The following ZFHX4 variants were observed in gnomAD, a reference collection of about 807,000 sequenced individuals.
ZFHX4 encodes zinc finger homeobox 4, also known as zinc finger homeobox protein 4.
A neutral mutation model predicts 267.6 loss-of-function variants in ZFHX4; 56 were observed. The ratio of observed to expected loss-of-function variants is 0.21; its 90% CI spans 0.17 to 0.26. The LOEUF (loss-of-function observed/expected upper bound fraction) is 0.26, where lower values mean the gene tolerates loss of function less well. Among genes scored for constraint, ZFHX4 ranks in the 10% least tolerant of loss-of-function variants. ZFHX4 has a pLI of 1.00. For synonymous variants in ZFHX4, 1,778 were observed against 1,665.6 expected (o/e 1.07, Z -1.64); for missense variants, 4,332 against 4,420.0 (o/e 0.98, Z 0.56).
intron 4 of ZFHX4, among the ~76,000 whole-genome samples, chr8:76,781,832 C>T (rs192055129): frequency 2.0e-5 from 3 of 151,948 alleles, no homozygotes; most frequent in East Asian, 1.9e-4. Flanking sequence ...AGGCTGGGAG[C>T]GAAAGTTTCA....
chr8:76,718,579 C>T (rs756187337), intron 3 of ZFHX4, among the ~76,000 whole-genome samples: 11 of 152,066 alleles, frequency 7.2e-5, no homozygotes, highest in Non-Finnish European at 1.3e-4. Context: ...GGGGAATTTA[C>T]AAATAACTTT....
At chr8:76,738,857 G>A (rs1809241681) in intron 3 of ZFHX4, among the ~76,000 whole-genome samples, 1 of 151,944 alleles carries the variant, frequency 6.6e-6, no homozygotes, top group Non-Finnish European at 1.5e-5. Context: ...TGGGACCACT[G>A]GCATGCGCCA....
intron 1 of ZFHX4, among the ~76,000 whole-genome samples, chr8:76,700,306 G>T (rs1475462025): frequency 6.6e-6 from 1 of 152,018 alleles, no homozygotes; most frequent in Non-Finnish European, 1.5e-5. Flanking sequence ...TTAGCAGAGT[G>T]GCTAACCTAG....
At chr8:76,797,097 C>G (rs1255541375) in intron 4 of ZFHX4, among the ~76,000 whole-genome samples, 1 of 152,150 alleles carries the variant, frequency 6.6e-6, no homozygotes, top group Admixed American at 6.6e-5. Flanking sequence ...ATGAGATCAG[C>G]CAGGCCAGCT....
Position 76,707,896 on chromosome 8 carries a change from G to A in ZFHX4, c.2941G>A (p.Gly981Ser). Residue 981 changes from glycine to serine, a missense_variant, in exon 3 of 11, where the codon GGC becomes AGC. Coordinates refer to ENST00000651372, the MANE Select transcript of ZFHX4 (RefSeq NM_024721.5). ...YQLVAHIKEG[G>S]KSNEWRLKCI... ...ACTGGTGGCTCACATTAAAGAAGGG[G>A]GCAAAAGCAATGAGTGGAGGTTGAA... is the stretch of plus-strand genomic sequence containing the variant. The A allele has an allele frequency of 6.2e-7, 1 of 1,613,974 alleles. No individual in the cohort carries two copies. The highest frequency in any genetic ancestry group is 8.5e-7 in the Non-Finnish European group (1 of 1,179,930).
At chr8:76,740,954 A>C (rs1234625612) in intron 3 of ZFHX4, among the ~76,000 whole-genome samples, 1 of 152,172 alleles carries the variant, frequency 6.6e-6, no homozygotes, top group Admixed American at 6.6e-5. Context: ...AAATCACATC[A>C]ATTGAATTTA....
intron 3 of ZFHX4, among the ~76,000 whole-genome samples, chr8:76,759,455 T>C (rs993755267): frequency 6.6e-6 from 1 of 152,228 alleles, no homozygotes; most frequent in African/African-American, 2.4e-5. Context: ...GTTGTCATGC[T>C]AGTGAGGTCT....
chr8:76,745,551 TCA>T (rs921668937), intron 3 of ZFHX4, among the ~76,000 whole-genome samples: 2 of 150,958 alleles, frequency 1.3e-5, no homozygotes, highest in African/African-American at 4.9e-5. Flanking sequence ...AATTATTTTT[TCA>T]GTTTTACTAC....
chr8:76,864,686 T>A lies in ZFHX4; in HGVS notation c.*121T>A. ...AAAATTACAGTACCAAATGATTGAC[T>A]CAGGATTGTTTTTCCCATATTGATA... On this transcript the variant is annotated 3_prime_UTR_variant, in exon 11 of 11. Coordinates refer to ENST00000651372, the MANE Select transcript of ZFHX4 (RefSeq NM_024721.5). The A allele has an allele frequency of 3.0e-6, 2 of 664,332 alleles. No individual in the cohort carries two copies. The highest frequency in any genetic ancestry group is 4.9e-6 in the Non-Finnish European group (2 of 411,076). The allele number at this position is 664,332 out of a possible 1,614,324, so 41.2% of individuals were successfully genotyped here.
chr8:76,862,219 T>C (rs1812888966), intron 10 of ZFHX4, among the ~76,000 whole-genome samples: 1 of 152,212 alleles, frequency 6.6e-6, no homozygotes, highest in Admixed American at 6.5e-5. Flanking sequence ...CAAAGATCTT[T>C]TACATTCCTC....
At chr8:76,746,109 T>C (rs998918398) in intron 3 of ZFHX4, among the ~76,000 whole-genome samples, 1 of 152,194 alleles carries the variant, frequency 6.6e-6, no homozygotes, top group South Asian at 2.1e-4. Flanking sequence ...TAAATTGCTT[T>C]AAAAAGTAAA....
rs1471711627 is a variant in ZFHX4 at position 76,866,309 on chromosome 8, A to T, written c.*1744A>T. ...TGTAATGCAACTGTTTGACAGTTTA[A>T]CTCAAGTCATGCTTCAAACTGTTTT... is the stretch of plus-strand genomic sequence containing the variant. On this transcript the variant is annotated 3_prime_UTR_variant, in exon 11 of 11. Coordinates refer to ENST00000651372, the MANE Select transcript of ZFHX4 (RefSeq NM_024721.5). 1.3e-5 allele frequency: 2 copies of T among 152,604 alleles called. No individual in the cohort carries two copies. The highest frequency in any genetic ancestry group is 4.8e-5 in the African/African-American group (2 of 41,436). 9.5% of individuals were successfully genotyped at this position (152,604 alleles called of 1,614,324 possible). A position where few individuals can be genotyped will look rare whatever the true frequency, so the allele number is the denominator to read the frequency against.
chr8:76,753,904 C>T (rs1017938170), intron 3 of ZFHX4, among the ~76,000 whole-genome samples: 46 of 151,626 alleles, frequency 3.0e-4, no homozygotes, highest in African/African-American at 9.4e-4. Flanking sequence ...TTGGGATCAC[C>T]GGCATGAGCC....
intron 6 of ZFHX4, among the ~76,000 whole-genome samples, chr8:76,848,479 A>G (rs1318725818): frequency 6.6e-6 from 1 of 152,206 alleles, no homozygotes; most frequent in African/African-American, 2.4e-5. Context: ...CAGCAGATAC[A>G]TATGATTAAT....
At chr8:76,735,501 G>GC (rs1473324857) in intron 3 of ZFHX4, among the ~76,000 whole-genome samples, 1 of 152,002 alleles carries the variant, frequency 6.6e-6, no homozygotes, top group Non-Finnish European at 1.5e-5. Context: ...AAATATTTTT[G>GC]CATCCACAAC....
intron 3 of ZFHX4, among the ~76,000 whole-genome samples, chr8:76,766,742 A>C (rs1810060290): frequency 6.6e-6 from 1 of 151,986 alleles, no homozygotes; most frequent in South Asian, 2.1e-4. Flanking sequence ...GAGAGCAATT[A>C]ATTTAAATAT....
chr8:76,698,840 G>A (rs961639587), intron 1 of ZFHX4, among the ~76,000 whole-genome samples: 1 of 152,036 alleles, frequency 6.6e-6, no homozygotes, highest in Non-Finnish European at 1.5e-5. Context: ...CCCCTTTGTC[G>A]TGACATGGGT....
chr8:76,738,712 T>TTC (rs571087005), intron 3 of ZFHX4, among the ~76,000 whole-genome samples: 1,687 of 123,808 alleles, frequency 0.014, 9 homozygotes, highest in Middle Eastern at 0.042. Context: ...CTCTCTCTCT[T>TTC]TCTCTCTCTC....
At chr8:76,801,562 C>A (rs980415631) in intron 4 of ZFHX4, among the ~76,000 whole-genome samples, 3 of 152,124 alleles carry the variant, frequency 2.0e-5, no homozygotes, top group Admixed American at 6.6e-5. Context: ...CTGCTCCTAG[C>A]CTATTGTTCT....
Sources: allele counts gnomAD v4.1 joint callset (sites outside exome capture counted in the v4.1 genomes callset), GRCh38; gene constraint gnomAD v4.1.1; transcripts MANE v1.5; gene names NCBI Gene and HGNC (gene_info 2026-07-23, HGNC 2026-07-21).